The following TAFA2 variants were observed in gnomAD, a reference collection of about 807,000 sequenced individuals.
TAFA2 encodes the protein chemokine-like protein TAFA-2.
Under a neutral mutation model 18.8 loss-of-function variants are expected in TAFA2, and 7 were observed. The observed-to-expected ratio is 0.37, with a 90% CI of 0.21 to 0.70. TAFA2 has a LOEUF of 0.70. Ranked by LOEUF, TAFA2 falls within the 30% of genes least tolerant of loss-of-function variation. The pLI is 0.53. For synonymous variants in TAFA2, 60 were observed against 54.2 expected, an observed-to-expected ratio of 1.11 and a Z score of -0.47; for missense variants, 122 against 158.1, an observed-to-expected ratio of 0.77 and a Z score of 1.23.
intron 2 of TAFA2, among the ~76,000 whole-genome samples, chr12:61,815,139 A>T (rs1803866406): frequency 6.6e-6 from 1 of 151,506 alleles, no homozygotes; most frequent in South Asian, 2.1e-4. Flanking sequence ...TAGTCATGGC[A>T]GAAATAGTAG....
chr12:62,008,183 A>G (rs1244044993), intron 1 of TAFA2, among the ~76,000 whole-genome samples: 1 of 152,206 alleles, frequency 6.6e-6, no homozygotes, highest in East Asian at 1.9e-4. Flanking sequence ...GAACACCATG[A>G]AAAAAGTTTG....
At chr12:61,955,420 G>A (rs1201536945) in intron 1 of TAFA2, among the ~76,000 whole-genome samples, 2 of 150,574 alleles carry the variant, frequency 1.3e-5, no homozygotes, top group South Asian at 2.1e-4. Context: ...TAGCCAACAT[G>A]GTGAAACCCC....
At chr12:61,795,774 T>C (rs1871163383) in intron 2 of TAFA2, among the ~76,000 whole-genome samples, 1 of 147,228 alleles carries the variant, frequency 6.8e-6, no homozygotes, top group Non-Finnish European at 1.5e-5. Context: ...AAAAAATAAA[T>C]AAATAAAAAG....
In TAFA2 at chr12:61,709,382, T is replaced by C. The variant is rs889948893; in HGVS notation, c.*1024A>G. 6.6e-6 allele frequency: 1 copy of C among 152,040 alleles called. No individual in the cohort carries two copies. Among genetic ancestry groups the C allele is most frequent in the African/African-American group, 2.4e-5 (1 of 41,422 alleles). 9.4% of individuals were successfully genotyped at this position (152,040 alleles called of 1,614,324 possible). A position where few individuals can be genotyped will look rare whatever the true frequency, so the allele number is the denominator to read the frequency against. ...AACAGATTGAACAAATATATAAGCA[T>C]TCAAACAGTCATTGGGATCAAGCAA... is the stretch of plus-strand genomic sequence containing the variant. On this transcript the variant is annotated 3_prime_UTR_variant, in exon 5 of 5. Coordinates refer to ENST00000416284, the MANE Select transcript of TAFA2 (RefSeq NM_178539.5).
At chr12:62,141,454 C>T (rs1156524951) in intron 1 of TAFA2, among the ~76,000 whole-genome samples, 2 of 152,298 alleles carry the variant, frequency 1.3e-5, no homozygotes, top group East Asian at 1.9e-4. Flanking sequence ...CCTGCAGAAG[C>T]TTTACCTGCC....
At chr12:62,140,386 G>T (rs1188664572) in intron 1 of TAFA2, 1 of 152,202 alleles carries the variant, frequency 6.6e-6, no homozygotes, top group Non-Finnish European at 1.5e-5. Context: ...TGTGCTGCAG[G>T]TCAAGGCCTT....
At chr12:61,728,171 T>C (rs533834615) in intron 4 of TAFA2, among the ~76,000 whole-genome samples, 1 of 152,016 alleles carries the variant, frequency 6.6e-6, no homozygotes, top group Non-Finnish European at 1.5e-5. Flanking sequence ...GAATGCTCCA[T>C]ATGCTGATGA....
chr12:62,081,699 TG>T (rs1201745093), intron 1 of TAFA2, among the ~76,000 whole-genome samples: 2 of 151,946 alleles, frequency 1.3e-5, no homozygotes, highest in East Asian at 3.9e-4. Context: ...TGGCCAGGCT[TG>T]TCTTGAACTG....
intron 1 of TAFA2, among the ~76,000 whole-genome samples, chr12:61,953,843 G>A (rs1426980777): frequency 6.6e-6 from 1 of 152,148 alleles, no homozygotes; most frequent in Non-Finnish European, 1.5e-5. Context: ...ACAGACATAG[G>A]ACATTTCGCT....
rs1209604902 is a variant in TAFA2, at chr12:61,709,388, C to G, written c.*1018G>C. The G allele has an allele frequency of 1.3e-5, 2 of 151,868 alleles. No individual in the cohort carries two copies. Among genetic ancestry groups the G allele is most frequent in the African/African-American group, 2.4e-5 (1 of 41,378 alleles). 9.4% of individuals were successfully genotyped at this position (151,868 alleles called of 1,614,324 possible). On this transcript the variant is annotated 3_prime_UTR_variant, in exon 5 of 5. Coordinates refer to ENST00000416284, the MANE Select transcript of TAFA2 (RefSeq NM_178539.5). ...TTGAACAAATATATAAGCATTCAAA[C>G]AGTCATTGGGATCAAGCAAAAGAAA...
intron 1 of TAFA2, among the ~76,000 whole-genome samples, chr12:61,994,194 T>A (rs12823061): frequency 3.3e-5 from 5 of 152,084 alleles, no homozygotes; most frequent in Non-Finnish European, 7.4e-5. Context: ...TCCTTCAGAG[T>A]CCATATCTCC....
chr12:61,746,287 C>A (rs1350267020), intron 4 of TAFA2, among the ~76,000 whole-genome samples: 1 of 152,080 alleles, frequency 6.6e-6, no homozygotes, highest in Admixed American at 6.6e-5. Context: ...TTTCCTTTGC[C>A]TTGTGCCATG....
chr12:62,009,889 T>C (rs1204090487), intron 1 of TAFA2, among the ~76,000 whole-genome samples: 1 of 152,164 alleles, frequency 6.6e-6, no homozygotes, highest in African/African-American at 2.4e-5. Flanking sequence ...CAGACACTGA[T>C]AGGAATGCCT....
intron 1 of TAFA2, among the ~76,000 whole-genome samples, chr12:61,981,327 T>C (rs1311750584): frequency 6.6e-6 from 1 of 152,186 alleles, no homozygotes; most frequent in Non-Finnish European, 1.5e-5. Context: ...ATTAAAGACT[T>C]CAGTGTTAGA....
At chr12:62,242,272 C>T (rs2062866052) in intron 1 of TAFA2, among the ~76,000 whole-genome samples, 1 of 151,482 alleles carries the variant, frequency 6.6e-6, no homozygotes, top group African/African-American at 2.4e-5. Flanking sequence ...AAATTCTAGC[C>T]AAATTCAAAA....
intron 1 of TAFA2, among the ~76,000 whole-genome samples, chr12:62,022,925 C>T (rs972215845): frequency 6.6e-6 from 1 of 152,180 alleles, no homozygotes; most frequent in Non-Finnish European, 1.5e-5. Context: ...CAATCACAAA[C>T]CTGAACCACA....
At chr12:62,005,769 T>G (rs1290904334) in intron 1 of TAFA2, among the ~76,000 whole-genome samples, 1 of 152,112 alleles carries the variant, frequency 6.6e-6, no homozygotes, top group Admixed American at 6.5e-5. Flanking sequence ...ATTTTACAGA[T>G]AAGCAAAGTG....
intron 1 of TAFA2, among the ~76,000 whole-genome samples, chr12:62,250,941 G>T (rs1010971319): frequency 3.0e-5 from 4 of 133,718 alleles, no homozygotes; most frequent in Admixed American, 7.4e-5. Context: ...TCAGAGAGCA[G>T]CTGAGTCTCG....
At chr12:61,899,223 C>A (rs1336776088) in intron 1 of TAFA2, among the ~76,000 whole-genome samples, 1 of 152,166 alleles carries the variant, frequency 6.6e-6, no homozygotes, top group African/African-American at 2.4e-5. Flanking sequence ...ACTGTTCCAA[C>A]CTCTGTCTGT....
Sources: gnomAD v4.1 joint callset for allele counts (sites outside exome capture counted in the v4.1 genomes callset) on GRCh38, gnomAD v4.1.1 for gene constraint, MANE v1.5 for transcripts, NCBI Gene and HGNC (gene_info 2026-07-23, HGNC 2026-07-21) for gene names.